Variants in IGF1R observed in about 807,000 individuals in gnomAD.
IGF1R encodes insulin-like growth factor 1 receptor.
In IGF1R, 44 loss-of-function variants were observed where a neutral mutation model predicts 144.6. The ratio of observed to expected loss-of-function variants is 0.30; its 90% CI spans 0.24 to 0.39. The LOEUF (loss-of-function observed/expected upper bound fraction) is 0.39, where lower values mean the gene tolerates loss of function less well. IGF1R is among the 10% of genes least tolerant of loss of function. The probability of loss-of-function intolerance (pLI) is 1.00; values close to 1 mark genes in which losing one functional copy is unlikely to be tolerated. For synonymous variants in IGF1R, 795 were observed against 722.8 expected, an observed-to-expected ratio of 1.10 and a Z score of -1.60; for missense variants, 1,355 against 1,833.7, an observed-to-expected ratio of 0.74 and a Z score of 4.77.
chr15:98,770,708 G>A (rs2055563545), intron 2 of IGF1R, among the ~76,000 whole-genome samples: 3 of 152,098 alleles, frequency 2.0e-5, no homozygotes, highest in Admixed American at 2.0e-4. Context: ...GTGTAAGTTG[G>A]CCGTTAGCTG....
chr15:98,790,258 A>G (rs2056098871), intron 2 of IGF1R, among the ~76,000 whole-genome samples: 1 of 152,184 alleles, frequency 6.6e-6, no homozygotes, highest in South Asian at 2.1e-4. Flanking sequence ...GGCCTGGGCA[A>G]CTTGTGTCCT....
chr15:98,680,392 G>T (rs9707950), intron 1 of IGF1R, among the ~76,000 whole-genome samples: 3 of 151,136 alleles, frequency 2.0e-5, no homozygotes, highest in African/African-American at 4.9e-5. Flanking sequence ...TCAGCCTCCC[G>T]AGTAGCTGGG....
Position 98,964,224 on chromosome 15 carries a change from A to T in IGF1R, c.*6782A>T. On this transcript the variant is annotated 3_prime_UTR_variant, in exon 21 of 21. Coordinates refer to ENST00000650285, the MANE Select transcript of IGF1R (RefSeq NM_000875.5). Reference sequence around the variant, plus strand: ...TTGTTAAAAAAAAATTTTTTTAAGTAAGAAAAAAAAAGGTAATAACATGGC... The same window carrying T: ...TTGTTAAAAAAAAATTTTTTTAAGTTAGAAAAAAAAAGGTAATAACATGGC... 1 of 232,688 alleles carries T rather than the reference A, an allele frequency of 4.3e-6. No individual in the cohort carries two copies. The highest frequency in any genetic ancestry group is 8.5e-6 in the Non-Finnish European group (1 of 117,538). The allele number at this position is 232,688 out of a possible 1,614,324, so 14.4% of individuals were successfully genotyped here.
intron 2 of IGF1R, among the ~76,000 whole-genome samples, chr15:98,814,763 G>C (rs755928875): frequency 6.6e-6 from 1 of 151,940 alleles, no homozygotes; most frequent in Non-Finnish European, 1.5e-5. Context: ...GAGTGAAAGA[G>C]AAATGAATGG....
Position 98,911,395 on chromosome 15 carries a change from C to T in IGF1R, c.1543C>T (p.Pro515Ser). The change falls in exon 7 of 21, where the codon CCT (proline) becomes TCT (serine). Residue 515 changes from proline (P) to serine (S), a missense_variant. Transcript: ENST00000650285. Reference protein sequence around the residue: ...IIITWHRYRPPDYRDLISFTV... With the variant: ...IIITWHRYRPSDYRDLISFTV... ...CATAACCTGGCACCGGTACCGGCCC[C>T]CTGACTACAGGGATCTCATCAGCTT... 1 of 1,614,224 alleles carries T rather than the reference C, an allele frequency of 6.2e-7. No individual in the cohort carries two copies. Among genetic ancestry groups the T allele is most frequent in the South Asian group, 1.1e-5 (1 of 91,084 alleles).
intron 2 of IGF1R, among the ~76,000 whole-genome samples, chr15:98,736,080 T>C (rs1263285033): frequency 1.3e-5 from 2 of 152,230 alleles, no homozygotes; most frequent in African/African-American, 4.8e-5. Context: ...ATCATTTTTA[T>C]TAAAAAGAAA....
chr15:98,692,189 T>A (rs2053493406), intron 1 of IGF1R, among the ~76,000 whole-genome samples: 1 of 151,848 alleles, frequency 6.6e-6, no homozygotes, highest in Non-Finnish European at 1.5e-5. Context: ...TACAAAAAAA[T>A]TAGCTGGGCA....
intron 2 of IGF1R, among the ~76,000 whole-genome samples, chr15:98,766,505 A>G (rs1053959872): frequency 6.6e-6 from 1 of 152,254 alleles, no homozygotes; most frequent in Non-Finnish European, 1.5e-5. Flanking sequence ...TACATTTTAT[A>G]CTGCAAGGGT....
At chr15:98,653,558 A>G (rs2052418932) in intron 1 of IGF1R, among the ~76,000 whole-genome samples, 2 of 152,198 alleles carry the variant, frequency 1.3e-5, no homozygotes, top group Non-Finnish European at 2.9e-5. Flanking sequence ...TAGTTTTAGG[A>G]TACACTGTTT....
At chr15:98,807,065 A>G in intron 2 of IGF1R, among the ~76,000 whole-genome samples, 1 of 152,240 alleles carries the variant, frequency 6.6e-6, no homozygotes, top group Non-Finnish European at 1.5e-5. Context: ...AGGTGTTGAA[A>G]TTAGAACGGC....
In IGF1R at chr15:98,719,747, C is replaced by T. The variant is rs545966482; in HGVS notation, c.640+11640C>T. On this transcript the variant is annotated intron_variant, in intron 2 of 20. Transcript: ENST00000650285. ...TGCTTAGGCCTCAGACACAGGCTCC[C>T]TGAACTTCGTGTTCAGTGCTTTAGG... is the stretch of plus-strand genomic sequence containing the variant. 5.9e-5 allele frequency among the ~76,000 whole-genome samples: 9 copies of T among 152,270 alleles called. No homozygotes were observed. In the South Asian group the frequency reaches 1.9e-3, roughly 32 times the overall value.
At chr15:98,733,236 G>T (rs2054535203) in intron 2 of IGF1R, among the ~76,000 whole-genome samples, 1 of 152,024 alleles carries the variant, frequency 6.6e-6, no homozygotes, top group South Asian at 2.1e-4. Flanking sequence ...GCTTTTTTGG[G>T]ACAGTCTTGC....
rs778243285 is a variant in IGF1R, at chr15:98,896,899, C to T, written c.1096C>T (p.Arg366Trp). Residue 366 changes from arginine (R) to tryptophan (W), a missense_variant, in exon 4 of 21, where the codon CGG (arginine) becomes TGG (tryptophan). Physicochemically the swap from Arg to Trp is moderately radical, Grantham distance 101 (BLOSUM62 -3). Coordinates refer to ENST00000650285, the MANE Select transcript of IGF1R (RefSeq NM_000875.5). ...FKGNLLINIR[R>W]GNNIASELEN... ...GGGCAATTTGCTCATTAACATCCGA[C>T]GGGGGAGTAAGTATTCCATCCCCCT... The T allele has an allele frequency of 3.7e-6, 6 of 1,613,964 alleles. No homozygotes were observed. The highest frequency in any genetic ancestry group is 1.3e-5 in the African/African-American group (1 of 75,022).
intron 10 of IGF1R, among the ~76,000 whole-genome samples, chr15:98,921,044 C>T (rs928234845): frequency 6.6e-6 from 1 of 152,202 alleles, no homozygotes; most frequent in Admixed American, 6.5e-5. Context: ...GAGCTTCCCA[C>T]ATTCTGGACT....
chr15:98,700,496 C>T (rs2141247422), intron 1 of IGF1R, among the ~76,000 whole-genome samples: 1 of 152,212 alleles, frequency 6.6e-6, no homozygotes, highest in Non-Finnish European at 1.5e-5. Flanking sequence ...TCAGCATCAC[C>T]TGGGTGCATA....
chr15:98,942,323 C>T (rs1253874390), intron 18 of IGF1R, among the ~76,000 whole-genome samples: 1 of 152,032 alleles, frequency 6.6e-6, no homozygotes, highest in Non-Finnish European at 1.5e-5. Flanking sequence ...AATTTTTACA[C>T]CGCTTCCTTT....
intron 2 of IGF1R, among the ~76,000 whole-genome samples, chr15:98,727,794 G>C (rs956271351): frequency 6.6e-6 from 1 of 152,136 alleles, no homozygotes; most frequent in Non-Finnish European, 1.5e-5. Context: ...ACTGTGTGGC[G>C]GCGGCAGAAG....
At chr15:98,760,589 A>G (rs1237603586) in intron 2 of IGF1R, among the ~76,000 whole-genome samples, 1 of 152,184 alleles carries the variant, frequency 6.6e-6, no homozygotes, top group Non-Finnish European at 1.5e-5. Flanking sequence ...AGCTGAGTGC[A>G]TGTCGCTGCG....
At chr15:98,942,088 CT>C (rs2016385842) in intron 18 of IGF1R, among the ~76,000 whole-genome samples, 1 of 152,118 alleles carries the variant, frequency 6.6e-6, no homozygotes, top group Admixed American at 6.5e-5. Flanking sequence ...TAAATAGCAT[CT>C]TTTCGGCATC....
Sources: gnomAD v4.1 joint callset for allele counts (sites outside exome capture counted in the v4.1 genomes callset) on GRCh38, gnomAD v4.1.1 for gene constraint, MANE v1.5 for transcripts, NCBI Gene and HGNC (gene_info 2026-07-23, HGNC 2026-07-21) for gene names.